Variants in TMEM260 observed in about 807,000 individuals in gnomAD.
TMEM260 encodes the protein transmembrane protein 260.
A neutral mutation model predicts 88.9 loss-of-function variants in TMEM260; 82 were observed. That is an observed-to-expected ratio of 0.92 (90% CI 0.77 to 1.11). TMEM260 has a LOEUF of 1.11. Ranked by LOEUF, TMEM260 falls within the 50% of genes least tolerant of loss-of-function variation. The pLI, the probability that TMEM260 is intolerant of heterozygous loss-of-function variation, is 0.00. For synonymous variants in TMEM260, 314 were observed against 309.3 expected, an observed-to-expected ratio of 1.02 and a Z score of -0.16; for missense variants, 902 against 853.4, an observed-to-expected ratio of 1.06 and a Z score of -0.71.
At chr14:56,582,768 G>GT (rs1024291975) in intron 1 of TMEM260, among the ~76,000 whole-genome samples, 15 of 152,242 alleles carry the variant, frequency 9.9e-5, no homozygotes, top group African/African-American at 2.2e-4. Context: ...GAAGCTCGAG[G>GT]TTTTTTTACT....
At chr14:56,618,519 T>TA in intron 9 of TMEM260, 75 bp from the exon 10 acceptor site, 1 of 1,413,764 alleles carries the variant, frequency 7.1e-7, no homozygotes, top group Non-Finnish European at 9.7e-7. Flanking sequence ...GCAGCATATT[T>TA]AAAAAATATA....
At chr14:56,621,886 T>C (rs759795495) in intron 11 of TMEM260, among the ~76,000 whole-genome samples, 184 bp downstream of exon 11, 22 of 152,192 alleles carry the variant, frequency 1.4e-4, no homozygotes, top group Admixed American at 5.9e-4. Context: ...TTTTAACTAA[T>C]AGTGTAAGTC....
intron 15 of TMEM260, among the ~76,000 whole-genome samples, chr14:56,644,469 G>A (rs1200769274): frequency 6.6e-6 from 1 of 152,066 alleles, no homozygotes; most frequent in East Asian, 1.9e-4. Context: ...AGCTGAAACT[G>A]GATCCCTTCC....
At chr14:56,642,511 G>A (rs1889672913) in intron 15 of TMEM260, among the ~76,000 whole-genome samples, 2 of 152,178 alleles carry the variant, frequency 1.3e-5, no homozygotes, top group African/African-American at 4.8e-5. Flanking sequence ...TTAAAGCAGT[G>A]TGTGGAGGGA....
At chr14:56,637,074 A>T (rs531025804) in intron 15 of TMEM260, among the ~76,000 whole-genome samples, 44 of 152,222 alleles carry the variant, frequency 2.9e-4, no homozygotes, top group Non-Finnish European at 4.7e-4. Flanking sequence ...GGAGTAAAAG[A>T]GTGCAGGCCA....
chr14:56,612,957 G>GTC (rs1887377638), intron 7 of TMEM260: 1 of 152,068 alleles, frequency 6.6e-6, no homozygotes. Flanking sequence ...TTTATGTAAT[G>GTC]TCTCCTATGA....
At chr14:56,602,637 C>A (rs1344026304) in intron 3 of TMEM260, among the ~76,000 whole-genome samples, 1 of 151,944 alleles carries the variant, frequency 6.6e-6, no homozygotes, top group African/African-American at 2.4e-5. Flanking sequence ...AATGAGTAGA[C>A]AGGAAAGTAA....
chr14:56,632,574 C>T (rs951223678), intron 12 of TMEM260, among the ~76,000 whole-genome samples: 1 of 151,764 alleles, frequency 6.6e-6, no homozygotes, highest in Non-Finnish European at 1.5e-5. Flanking sequence ...TTTCTTGGAG[C>T]TTTTTTTATC....
At chr14:56,658,533 G>C in the TMEM260 span, among the ~76,000 whole-genome samples, 48,679 of 151,608 alleles carry the variant, frequency 0.32, 9,674 homozygotes, top group East Asian at 0.51. Context: ...ACCGCACCCG[G>C]CCTTAATTTA....
At chr14:56,654,635 T>G (rs1000596298), downstream of TMEM260, among the ~76,000 whole-genome samples, 1 of 151,572 alleles carries the variant, frequency 6.6e-6, no homozygotes, top group African/African-American at 2.4e-5. Flanking sequence ...CCTGAGGTGG[T>G]GAAACCCCAT....
intron 15 of TMEM260, among the ~76,000 whole-genome samples, chr14:56,644,492 C>G (rs2139656111): frequency 6.6e-6 from 1 of 152,154 alleles, no homozygotes; most frequent in African/African-American, 2.4e-5. Flanking sequence ...ACACCTTATA[C>G]AAAAATTAAT....
At chr14:56,607,240 G>A (rs1309202345) in intron 5 of TMEM260, among the ~76,000 whole-genome samples, 1 of 152,180 alleles carries the variant, frequency 6.6e-6, no homozygotes, top group Non-Finnish European at 1.5e-5. Flanking sequence ...ATCTTAGCCA[G>A]ACTTCCGACC....
the TMEM260 span, among the ~76,000 whole-genome samples, chr14:56,662,781 T>C: frequency 6.6e-6 from 1 of 152,206 alleles, no homozygotes; most frequent in Non-Finnish European, 1.5e-5. Flanking sequence ...CAAGGGCATT[T>C]GGGAAGCACA....
chr14:56,642,844 C>A (rs1295100740), intron 15 of TMEM260, among the ~76,000 whole-genome samples: 1 of 152,168 alleles, frequency 6.6e-6, no homozygotes, highest in Non-Finnish European at 1.5e-5. Flanking sequence ...ATCAATCCCA[C>A]AGAAATACAA....
At chr14:56,637,923 T>G (rs1240890147) in intron 15 of TMEM260, among the ~76,000 whole-genome samples, 1 of 152,146 alleles carries the variant, frequency 6.6e-6, no homozygotes, top group African/African-American at 2.4e-5. Context: ...CAGTTCAGTC[T>G]TGTGAGTGCT....
intron 1 of TMEM260, among the ~76,000 whole-genome samples, chr14:56,583,990 T>TTGTGTGTGTGTGTGTG (rs10594077): frequency 4.4e-4 from 64 of 145,944 alleles, no homozygotes; most frequent in Middle Eastern, 3.5e-3. Context: ...ATCCAGCCTT[T>TTGTGTGTGTGTGTGTG]TGTGTGTGTG....
Position 56,647,735 on chromosome 14 carries a change from A to G in TMEM260, c.*238A>G. 2.1e-6 allele frequency: 1 copy of G among 482,880 alleles called. No homozygotes were observed. Among genetic ancestry groups the G allele is most frequent in the South Asian group, 2.7e-5 (1 of 36,428 alleles). 29.9% of individuals were successfully genotyped at this position (482,880 alleles called of 1,614,324 possible). A position where few individuals can be genotyped will look rare whatever the true frequency, so the allele number is the denominator to read the frequency against. On this transcript the variant is annotated 3_prime_UTR_variant, in exon 16 of 16. Transcript: ENST00000261556. ...TTACCATTTCAGTGAGAAGCTTTTG[A>G]AAAGTCTTCTGACTTCCAGTCTTTC...
At chr14:56,636,318 C>T (rs1012833672) in intron 14 of TMEM260, among the ~76,000 whole-genome samples, 190 bp from the exon 15 acceptor site, 29 of 152,058 alleles carry the variant, frequency 1.9e-4, no homozygotes, top group Admixed American at 9.2e-4. Flanking sequence ...GTGAATGCAG[C>T]ATCTTGGTGG....
intron 12 of TMEM260, among the ~76,000 whole-genome samples, chr14:56,629,429 G>T (rs1432415615): frequency 3.9e-5 from 6 of 151,976 alleles, no homozygotes; most frequent in Admixed American, 3.3e-4. Flanking sequence ...TATTATGTCA[G>T]ATAGGGTCGT....
Sources: allele counts gnomAD v4.1 joint callset (sites outside exome capture counted in the v4.1 genomes callset), GRCh38; gene constraint gnomAD v4.1.1; transcripts MANE v1.5; gene names NCBI Gene and HGNC (gene_info 2026-07-23, HGNC 2026-07-21).